STX8: variants seen among roughly 807,000 people sequenced by gnomAD.
STX8 encodes syntaxin-8.
STX8 carries 23 observed loss-of-function variants against 37.5 expected under a neutral mutation model. The ratio of observed to expected loss-of-function variants is 0.61; its 90% CI spans 0.44 to 0.87. The LOEUF (loss-of-function observed/expected upper bound fraction) is 0.87. Among genes scored for constraint, STX8 ranks in the 40% least tolerant of loss-of-function variants. The pLI, the probability that STX8 is intolerant of heterozygous loss-of-function variation, is 0.00. For missense variants in STX8, 313 were observed against 284.7 expected (o/e 1.10, Z -0.71); for synonymous variants, 115 against 99.1 (o/e 1.16, Z -0.95).
At chr17:9,489,370 C>A (rs1012083444) in intron 6 of STX8, among the ~76,000 whole-genome samples, 19 of 152,178 alleles carry the variant, frequency 1.2e-4, no homozygotes, top group African/African-American at 4.6e-4. Context: ...TTCTAATATG[C>A]AGCAAAGTAT....
chr17:9,363,478 A>C (rs2142262672), intron 7 of STX8, among the ~76,000 whole-genome samples: 1 of 152,358 alleles, frequency 6.6e-6, no homozygotes, highest in Non-Finnish European at 1.5e-5. Flanking sequence ...GTGTCGGGAA[A>C]GCATACTTTG....
chr17:9,294,592 T>C (rs1336543376), intron 7 of STX8, among the ~76,000 whole-genome samples: 1 of 152,112 alleles, frequency 6.6e-6, no homozygotes, highest in Non-Finnish European at 1.5e-5. Context: ...ATGGGAAGAA[T>C]GCATGGGAAA....
chr17:9,263,845 A>G (rs1233511748), intron 7 of STX8, among the ~76,000 whole-genome samples: 2 of 152,200 alleles, frequency 1.3e-5, no homozygotes, highest in Non-Finnish European at 2.9e-5. Flanking sequence ...TACTCTTCAT[A>G]TGATGTGACT....
In STX8 at chr17:9,491,052, C is replaced by T. The variant is rs184448687; in HGVS notation, c.541+777G>A. On this transcript the variant is annotated intron_variant, in intron 6 of 7. Coordinates refer to ENST00000306357, the MANE Select transcript of STX8 (RefSeq NM_004853.3). ...GTCACACGTCACCTCTACACTGCAG[C>T]TGCTCCCATCTCTTCTCTTTGGCTC... Among the ~76,000 whole-genome samples, 614 of 152,328 alleles carry T rather than the reference C, an allele frequency of 4.0e-3. 5 individuals carry two copies. The highest frequency in any genetic ancestry group is 3.9e-3 in the Non-Finnish European group (264 of 68,032).
At chr17:9,256,000 A>G (rs1173477520) in intron 7 of STX8, among the ~76,000 whole-genome samples, 1 of 152,178 alleles carries the variant, frequency 6.6e-6, no homozygotes, top group Non-Finnish European at 1.5e-5. Context: ...GTAAGCAGGG[A>G]TCTTTTTGAA....
In STX8 at chr17:9,446,939, T is replaced by C. The variant is rs909439693; in HGVS notation, c.541+44890A>G. ...TAATAGGTAATTAATCTTGATTTGA[T>C]AGGATTTAAGATTTCTATTTTTTGG... On this transcript the variant is annotated intron_variant, in intron 6 of 7. Coordinates refer to ENST00000306357, the MANE Select transcript of STX8 (RefSeq NM_004853.3). 4.6e-5 allele frequency among the ~76,000 whole-genome samples: 7 copies of C among 152,218 alleles called. No individual in the cohort carries two copies. The South Asian group carries it at 1.0e-3, about 23-fold the overall frequency.
chr17:9,439,413 T>G (rs1489433840), intron 6 of STX8, among the ~76,000 whole-genome samples: 1 of 152,198 alleles, frequency 6.6e-6, no homozygotes, highest in Non-Finnish European at 1.5e-5. Context: ...GCTGGACATT[T>G]GTAAACAATT....
intron 7 of STX8, among the ~76,000 whole-genome samples, chr17:9,362,837 A>T (rs1911105594): frequency 1.6e-5 from 2 of 121,824 alleles, no homozygotes; most frequent in African/African-American, 1.0e-4. Flanking sequence ...TCAAAAAAAA[A>T]AAAAAATAAA....
At chr17:9,549,125 G>T (rs1906662723) in intron 3 of STX8, among the ~76,000 whole-genome samples, 1 of 152,114 alleles carries the variant, frequency 6.6e-6, no homozygotes, top group Non-Finnish European at 1.5e-5. Context: ...TAACTATAAA[G>T]AATGAGATGA....
intron 6 of STX8, among the ~76,000 whole-genome samples, chr17:9,402,381 A>G (rs1161241714): frequency 6.6e-6 from 1 of 152,152 alleles, no homozygotes; most frequent in Non-Finnish European, 1.5e-5. Flanking sequence ...TCGGCCTCCC[A>G]AAGTGCTGGG....
intron 5 of STX8, among the ~76,000 whole-genome samples, chr17:9,498,165 G>C (rs1383650290): frequency 6.6e-6 from 1 of 152,050 alleles, no homozygotes; most frequent in Non-Finnish European, 1.5e-5. Flanking sequence ...AGGTGGGGGG[G>C]GATCATCTGA....
chr17:9,487,550 C>T (rs1273831755), intron 6 of STX8, among the ~76,000 whole-genome samples: 3 of 152,126 alleles, frequency 2.0e-5, no homozygotes, highest in Admixed American at 1.3e-4. Flanking sequence ...GCTGACTCTG[C>T]CCTATCTCCG....
In STX8 at chr17:9,557,465, A is replaced by C. The variant is rs775059075; in HGVS notation, c.181T>G (p.Leu61Val). ...TGTGTTGACACAGCTCTTAGCAATAAGTCCTTCAAAAGGGCGATCTTTTCC... is the reference window on the plus strand; with the variant it reads ...TGTGTTGACACAGCTCTTAGCAATACGTCCTTCAAAAGGGCGATCTTTTCC... Reference protein sequence around the residue: ...LKEKIALLKDLLLRAVSTHQI... With the variant: ...LKEKIALLKDVLLRAVSTHQI... The change falls in exon 3 of 8, where the codon TTA becomes GTA. Residue 61 changes from leucine to valine, a missense_variant. Coordinates refer to ENST00000306357, the MANE Select transcript of STX8 (RefSeq NM_004853.3). The C allele has an allele frequency of 6.2e-6, 10 of 1,613,990 alleles. No homozygotes were observed. The highest frequency in any genetic ancestry group is 8.5e-6 in the Non-Finnish European group (10 of 1,179,964).
chr17:9,360,227 C>CTTTTTTTTTTTTTTTTTTTTTTTTTTT (rs58213453), intron 7 of STX8, among the ~76,000 whole-genome samples: 2 of 72,610 alleles, frequency 2.8e-5, no homozygotes, highest in Non-Finnish European at 5.0e-5. Context: ...AATTAACCGT[C>CTTTTTTTTTTTTTTTTTTTTTTTTTTT]TTTTTTTTTT....
At chr17:9,499,555 A>G (rs1330552304) in intron 5 of STX8, among the ~76,000 whole-genome samples, 1 of 152,022 alleles carries the variant, frequency 6.6e-6, no homozygotes, top group Non-Finnish European at 1.5e-5. Flanking sequence ...CCCGCCACGG[A>G]CGCCCAGCTA....
chr17:9,308,577 G>T (rs571254174), intron 7 of STX8, among the ~76,000 whole-genome samples: 168 of 152,218 alleles, frequency 1.1e-3, no homozygotes, highest in African/African-American at 3.8e-3. Flanking sequence ...ACAAAAATTA[G>T]CTGGGCATGG....
intron 7 of STX8, among the ~76,000 whole-genome samples, chr17:9,292,508 A>G (rs986919288): frequency 6.6e-6 from 1 of 152,236 alleles, no homozygotes; most frequent in African/African-American, 2.4e-5. Flanking sequence ...GACTTCAGAA[A>G]GATAACTTTA....
chr17:9,395,115 C>T (rs1434580678), intron 6 of STX8, among the ~76,000 whole-genome samples: 1 of 151,666 alleles, frequency 6.6e-6, no homozygotes, highest in African/African-American at 2.4e-5. Flanking sequence ...CCACACCCCT[C>T]AGTATTGATG....
intron 4 of STX8, among the ~76,000 whole-genome samples, chr17:9,523,804 A>G (rs890516212): frequency 2.6e-5 from 4 of 152,252 alleles, no homozygotes; most frequent in African/African-American, 9.6e-5. Context: ...TCAGCTGGCA[A>G]GCAGTGCCAC....
Sources: allele counts gnomAD v4.1 joint callset (sites outside exome capture counted in the v4.1 genomes callset), GRCh38; gene constraint gnomAD v4.1.1; transcripts MANE v1.5; gene names NCBI Gene and HGNC (gene_info 2026-07-23, HGNC 2026-07-21).